The following UNC5A variants were observed in gnomAD, a reference collection of about 807,000 sequenced individuals.
UNC5A encodes the protein unc-5 netrin receptor A, also known as netrin receptor UNC5A.
A neutral mutation model predicts 87.4 loss-of-function variants in UNC5A; 20 were observed. The ratio of observed to expected loss-of-function variants is 0.23; its 90% CI spans 0.16 to 0.33. The LOEUF is 0.33. UNC5A is among the 10% of genes least tolerant of loss of function. UNC5A has a pLI of 1.00. For synonymous variants in UNC5A, 438 were observed against 482.3 expected, an observed-to-expected ratio of 0.91 and a Z score of 1.20; for missense variants, 844 against 1,133.4, an observed-to-expected ratio of 0.74 and a Z score of 3.67.
chr5:176,825,542 C>T (rs1479991980), intron 1 of UNC5A, among the ~76,000 whole-genome samples: 2 of 152,128 alleles, frequency 1.3e-5, no homozygotes, highest in Non-Finnish European at 2.9e-5. Context: ...TGGAAGGATA[C>T]CAGGTAGAAA....
chr5:176,812,631 G>C (rs1053432322), intron 1 of UNC5A, among the ~76,000 whole-genome samples: 5 of 152,166 alleles, frequency 3.3e-5, no homozygotes, highest in Non-Finnish European at 5.9e-5. Context: ...TCAGGAGGCT[G>C]TGGGGGTGGG....
intron 6 of UNC5A, among the ~76,000 whole-genome samples, chr5:176,873,155 C>T (rs1236817479): frequency 1.3e-5 from 2 of 149,592 alleles, no homozygotes; most frequent in African/African-American, 5.0e-5. Context: ...CCCATCTGCC[C>T]ACACTCACCA....
At chr5:176,830,783 CGTGTGTGTGCTGGCAT>C (rs1274855457) in intron 1 of UNC5A, among the ~76,000 whole-genome samples, 2 of 103,746 alleles carry the variant, frequency 1.9e-5, no homozygotes, top group African/African-American at 4.0e-5. Context: ...TGTGTACTGG[CGTGTGTGTGCTGGCAT>C]GTGTGTGTGC....
At chr5:176,834,758 C>A (rs1561646621) in intron 1 of UNC5A, among the ~76,000 whole-genome samples, 1 of 151,738 alleles carries the variant, frequency 6.6e-6, no homozygotes, top group Non-Finnish European at 1.5e-5. Context: ...CTCTCTCTCC[C>A]TTTCCCTGGG....
At chr5:176,826,588 A>C (rs1336229504) in intron 1 of UNC5A, among the ~76,000 whole-genome samples, 2 of 150,510 alleles carry the variant, frequency 1.3e-5, no homozygotes, top group African/African-American at 2.4e-5. Flanking sequence ...ATTGGCATTG[A>C]GTACATTCAC....
chr5:176,878,409 G>A lies in UNC5A; in HGVS notation c.2019+16G>A, dbSNP rs200628847. On this transcript the variant is annotated intron_variant, in intron 12 of 14. Coordinates refer to ENST00000329542, the MANE Select transcript of UNC5A (RefSeq NM_133369.3). Reference sequence around the variant, plus strand: ...CAGCTACCAGGTGAGGGCCAGGGCCGTGGCCAGCGCACAAGAGGCCTGGAG... The same window carrying A: ...CAGCTACCAGGTGAGGGCCAGGGCCATGGCCAGCGCACAAGAGGCCTGGAG... 60 of 1,613,004 alleles carry A rather than the reference G, an allele frequency of 3.7e-5. No individual in the cohort carries two copies. The highest frequency in any genetic ancestry group is 4.4e-5 in the South Asian group (4 of 91,038).
chr5:176,816,206 T>C (rs553165924), intron 1 of UNC5A, among the ~76,000 whole-genome samples: 4 of 152,334 alleles, frequency 2.6e-5, no homozygotes, highest in African/African-American at 9.6e-5. Flanking sequence ...GCCCAGCACC[T>C]GCCACAGACA....
chr5:176,879,113 A>G (rs1036701953), intron 13 of UNC5A, among the ~76,000 whole-genome samples, 197 bp from the exon 14 acceptor site: 3 of 152,014 alleles, frequency 2.0e-5, no homozygotes, highest in African/African-American at 4.8e-5. Flanking sequence ...CTCTCTGGCT[A>G]TGTGGCTTTG....
chr5:176,876,251 G>C (rs149644731), intron 8 of UNC5A, among the ~76,000 whole-genome samples: 6 of 152,238 alleles, frequency 3.9e-5, no homozygotes, highest in Non-Finnish European at 8.8e-5. Flanking sequence ...CTGGGACCGC[G>C]GGGCAGTGCA....
intron 1 of UNC5A, among the ~76,000 whole-genome samples, chr5:176,823,954 C>T (rs993704423): frequency 3.9e-5 from 6 of 152,200 alleles, no homozygotes; most frequent in African/African-American, 7.2e-5. Flanking sequence ...GGCGACCTCC[C>T]GCCATGGGGC....
In UNC5A at chr5:176,824,489, C is replaced by T. The variant is rs1756805047; in HGVS notation, c.70+13669C>T. Among the ~76,000 whole-genome samples the T allele has an allele frequency of 6.6e-6, 1 of 151,828 alleles. No homozygotes were observed. The highest frequency in any genetic ancestry group is 3.2e-3 in the Middle Eastern group (1 of 316). ...GAAAGATGATGATGTGAGCAAAGCGCCCACCCAGAGGTAGCAAGGTGGCAG... is the reference window on the plus strand; with the variant it reads ...GAAAGATGATGATGTGAGCAAAGCGTCCACCCAGAGGTAGCAAGGTGGCAG... On this transcript the variant is annotated intron_variant, in intron 1 of 14. Coordinates refer to ENST00000329542, the MANE Select transcript of UNC5A (RefSeq NM_133369.3). The surrounding 1 kb of genome is among the most constrained non-coding windows in gnomAD (Gnocchi z 4.2).
At position 176,841,745 on chromosome 5, in the gene UNC5A, T is replaced by A. The variant is rs559118323; in HGVS notation, c.71-20879T>A. ...ACCAAAGACCTGTCTGTGAAAGCTC[T>A]TAGCAGATTTACTGAAAATCATCAA... On this transcript the variant is annotated intron_variant, in intron 1 of 14. Transcript: ENST00000329542. The surrounding 1 kb of genome is among the most constrained non-coding windows in gnomAD (Gnocchi z 4.1). Among the ~76,000 whole-genome samples the A allele has an allele frequency of 1.3e-5, 2 of 152,328 alleles. No individual in the cohort carries two copies. Among genetic ancestry groups the A allele is most frequent in the African/African-American group, 4.8e-5 (2 of 41,574 alleles).
chr5:176,835,358 C>T lies in UNC5A; in HGVS notation c.70+24538C>T, dbSNP rs1334603481. ...CTGAACAGAGGCCGCTTGCCCAGTC[C>T]AGTGTGTGTGTCTCCCAGGAAGGTT... On this transcript the variant is annotated intron_variant, in intron 1 of 14. Coordinates refer to ENST00000329542, the MANE Select transcript of UNC5A (RefSeq NM_133369.3). Among the ~76,000 whole-genome samples the T allele has an allele frequency of 3.0e-4, 45 of 152,372 alleles. 1 individual carries two copies. The highest frequency in any genetic ancestry group is 4.4e-5 in the Non-Finnish European group (3 of 68,034).
intron 1 of UNC5A, among the ~76,000 whole-genome samples, chr5:176,817,836 G>A (rs1033030553): frequency 2.0e-5 from 3 of 152,000 alleles, no homozygotes; most frequent in African/African-American, 7.2e-5. Flanking sequence ...GCCCGGGGAC[G>A]TCCAGGCCGG....
chr5:176,859,767 ATGTCCTTGC>A (rs1757786016), intron 1 of UNC5A, among the ~76,000 whole-genome samples: 2 of 70,252 alleles, frequency 2.8e-5, no homozygotes, highest in East Asian at 7.8e-4. Context: ...AGCTGCTAGA[ATGTCCTTGC>A]TAGAGGGCAT....
Position 176,818,856 on chromosome 5 carries a change from G to A in UNC5A, c.70+8036G>A, listed in dbSNP as rs557360225. On this transcript the variant is annotated intron_variant, in intron 1 of 14. Coordinates refer to ENST00000329542, the MANE Select transcript of UNC5A (RefSeq NM_133369.3). ...ACCCCACCTAGTGTGCTTCCAGCCT[G>A]AGAATGGCTGTCCAGGCCACCAGAC... Among the ~76,000 whole-genome samples, 656 of 152,298 alleles carry A rather than the reference G, an allele frequency of 4.3e-3. 8 individuals carry two copies. The highest frequency in any genetic ancestry group is 7.5e-3 in the Non-Finnish European group (510 of 68,028).
At chr5:176,815,681 G>A (rs1167828584) in intron 1 of UNC5A, among the ~76,000 whole-genome samples, 1 of 152,234 alleles carries the variant, frequency 6.6e-6, no homozygotes, top group Non-Finnish European at 1.5e-5. Context: ...TAGGACAGAG[G>A]TGGGGACTTA....
At chr5:176,852,810 A>C (rs1757578499) in intron 1 of UNC5A, among the ~76,000 whole-genome samples, 1 of 152,050 alleles carries the variant, frequency 6.6e-6, no homozygotes, top group African/African-American at 2.4e-5. Flanking sequence ...AAGCCAGTTC[A>C]CTCTGCGTTT....
chr5:176,822,195 A>T (rs1379268869), intron 1 of UNC5A, among the ~76,000 whole-genome samples: 2 of 152,240 alleles, frequency 1.3e-5, no homozygotes, highest in Non-Finnish European at 2.9e-5. Flanking sequence ...CTCACAGTAA[A>T]TGCTCTGCAG....
Sources: gnomAD v4.1 joint callset for allele counts (sites outside exome capture counted in the v4.1 genomes callset) on GRCh38, gnomAD v4.1.1 for gene constraint, Gnocchi (gnomAD v3.1) non-coding constraint, MANE v1.5 for transcripts, NCBI Gene and HGNC (gene_info 2026-07-23, HGNC 2026-07-21) for gene names.